Variants in IBTK observed in about 807,000 individuals in gnomAD.
The protein encoded by IBTK is BTK-binding protein.
Under a neutral mutation model 154.9 loss-of-function variants are expected in IBTK, and 83 were observed. That is an observed-to-expected ratio of 0.54 (90% CI 0.45 to 0.64). The LOEUF is 0.64. IBTK is among the 30% of genes least tolerant of loss of function. The pLI is 0.00. For synonymous variants in IBTK, 515 were observed against 536.1 expected (o/e 0.96, Z 0.54); for missense variants, 1,332 against 1,584.6 (o/e 0.84, Z 2.71).
At chr6:82,247,203 A>C (rs1277333800) in intron 1 of IBTK, among the ~76,000 whole-genome samples, 12 of 152,246 alleles carry the variant, frequency 7.9e-5, no homozygotes. Context: ...AAGGAACATG[A>C]GCGCCCACAG....
intron 26 of IBTK, among the ~76,000 whole-genome samples, chr6:82,175,815 A>C (rs893492605): frequency 6.6e-6 from 1 of 152,058 alleles, no homozygotes. Context: ...GGATCACCTG[A>C]GGTCAGGAGT....
intron 1 of IBTK, among the ~76,000 whole-genome samples, chr6:82,242,910 C>A (rs983584206): frequency 6.7e-6 from 1 of 150,264 alleles, no homozygotes; most frequent in Non-Finnish European, 1.5e-5. Context: ...GCACTCCAGT[C>A]TGGTGACAAA....
chr6:82,173,418 G>T lies in IBTK; in HGVS notation c.3746C>A (p.Pro1249Gln). ...TGAAATATGGTTGCCTTCTGGTCCT[G>T]GGGTACCATGGGTAGAGCATCTGCA... ...KIVRCSTHGT[P>Q]GPEGNHISDL... Residue 1249 changes from proline to glutamine, a missense_variant, in exon 27 of 29, where the codon CCA becomes CAA. Pro to Gln is a moderately conservative substitution (Grantham distance 76). Coordinates refer to ENST00000306270, the MANE Select transcript of IBTK (RefSeq NM_015525.4). 1 of 1,613,362 alleles carries T rather than the reference G, an allele frequency of 6.2e-7. No homozygotes were observed. Among genetic ancestry groups the T allele is most frequent in the Non-Finnish European group, 8.5e-7 (1 of 1,179,486 alleles).
chr6:82,200,059 T>C, intron 21 of IBTK, 82 bp downstream of exon 21: 1 of 886,408 alleles, frequency 1.1e-6, no homozygotes, highest in Admixed American at 2.2e-5. Flanking sequence ...GGACTGTTTA[T>C]TTCAGTAGCC....
chr6:82,206,510 C>T (rs1042633319), intron 16 of IBTK, among the ~76,000 whole-genome samples: 1 of 152,154 alleles, frequency 6.6e-6, no homozygotes, highest in Non-Finnish European at 1.5e-5. Context: ...ATGAATAATA[C>T]AATTGATGAA....
chr6:82,242,107 T>C (rs1770973800), intron 1 of IBTK, among the ~76,000 whole-genome samples: 1 of 152,196 alleles, frequency 6.6e-6, no homozygotes, highest in African/African-American at 2.4e-5. Context: ...CAGTGGCTCA[T>C]GCCTGTAATC....
intron 4 of IBTK, among the ~76,000 whole-genome samples, chr6:82,230,591 G>A (rs1373586589): frequency 6.6e-6 from 1 of 152,024 alleles, no homozygotes; most frequent in Non-Finnish European, 1.5e-5. Context: ...CATGCTCTGA[G>A]GTATCATCTT....
Position 82,173,419 on chromosome 6 carries a change from G to A in IBTK, c.3745C>T (p.Pro1249Ser), listed in dbSNP as rs752488343. ...GAAATATGGTTGCCTTCTGGTCCTG[G>A]GGTACCATGGGTAGAGCATCTGCAA... ...KIVRCSTHGT[P>S]GPEGNHISDL... Residue 1249 changes from proline (P) to serine (S), a missense_variant, in exon 27 of 29, where the codon CCA (proline) becomes TCA (serine). Around this residue, in one of 3 missense-constraint regions of IBTK, gnomAD observed 1,134 missense variants for 1,274.7 expected, o/e 0.89. Transcript: ENST00000306270. The A allele has an allele frequency of 3.7e-6, 6 of 1,613,216 alleles. No homozygotes were observed. The African/African-American group carries it at 8.0e-5, about 22-fold the overall frequency.
intron 16 of IBTK, among the ~76,000 whole-genome samples, chr6:82,210,149 G>T (rs1769574918): frequency 6.6e-6 from 1 of 151,960 alleles, no homozygotes; most frequent in South Asian, 2.1e-4. Flanking sequence ...CATAAATTTT[G>T]GTACAATTTT....
chr6:82,175,893 G>A (rs1057312357), intron 26 of IBTK, among the ~76,000 whole-genome samples: 4 of 152,118 alleles, frequency 2.6e-5, no homozygotes, highest in Admixed American at 2.0e-4. Context: ...GCCAGGCTTG[G>A]TGGCGCATAC....
chr6:82,240,936 G>T (rs1306379392), intron 1 of IBTK, 93 bp from the exon 2 acceptor site: 11 of 398,404 alleles, frequency 2.8e-5, no homozygotes, highest in Non-Finnish European at 4.9e-5. Context: ...ATATTTAGAT[G>T]CCCTTAACCC....
chr6:82,234,339 ATTT>A (rs370999079), intron 2 of IBTK, 84 bp from the exon 3 acceptor site: 18 of 350,532 alleles, frequency 5.1e-5, no homozygotes, highest in Middle Eastern at 9.9e-4. Context: ...TTTTATTATT[ATTT>A]TTTTTTTTTT....
intron 1 of IBTK, among the ~76,000 whole-genome samples, chr6:82,244,966 C>T (rs1317056787): frequency 6.6e-6 from 1 of 151,980 alleles, no homozygotes; most frequent in African/African-American, 2.4e-5. Context: ...ATAATTAGGA[C>T]CTAAATATTT....
Position 82,247,557 on chromosome 6 carries a change from C to A in IBTK, c.-358+5G>T. 2.5e-6 allele frequency: 1 copy of A among 399,062 alleles called. No individual in the cohort carries two copies. The highest frequency in any genetic ancestry group is 2.1e-5 in the African/African-American group (1 of 48,776). 24.7% of individuals were successfully genotyped at this position (399,062 alleles called of 1,614,324 possible). A position where few individuals can be genotyped will look rare whatever the true frequency, so the allele number is the denominator to read the frequency against. On this transcript the variant is annotated splice_donor_5th_base_variant and intron_variant, in intron 1 of 28. Coordinates refer to ENST00000306270, the MANE Select transcript of IBTK (RefSeq NM_015525.4). ...ACGGTCGGGCAGCGCCAAGCCCTCC[C>A]TCACCAGTCGCTAGATGAAACTGCG...
chr6:82,198,483 A>G (rs1043403178), intron 21 of IBTK, among the ~76,000 whole-genome samples: 4 of 152,154 alleles, frequency 2.6e-5, no homozygotes, highest in Non-Finnish European at 5.9e-5. Context: ...TATGTTATCT[A>G]AAACTATTCT....
intron 2 of IBTK, 29 bp from the exon 3 acceptor site, chr6:82,234,284 AAT>A (rs767156988): frequency 1.0e-4 from 88 of 851,610 alleles, no homozygotes; most frequent in South Asian, 2.1e-4. Context: ...CAAATACATA[AAT>A]ATATATATAT....
intron 27 of IBTK, chr6:82,172,757 G>A (rs771418951): frequency 1.8e-5 from 7 of 394,324 alleles, no homozygotes; most frequent in Non-Finnish European, 3.1e-5. Context: ...TACGATGAGC[G>A]AACCTGGAAG....
chr6:82,221,409 TA>T (rs1770097693), intron 8 of IBTK, among the ~76,000 whole-genome samples: 1 of 152,186 alleles, frequency 6.6e-6, no homozygotes, highest in Non-Finnish European at 1.5e-5. Context: ...AGACAAATTT[TA>T]AACCTCAAAA....
chr6:82,235,787 T>C (rs1296204623), intron 2 of IBTK, among the ~76,000 whole-genome samples: 1 of 152,244 alleles, frequency 6.6e-6, no homozygotes, highest in Non-Finnish European at 1.5e-5. Flanking sequence ...GTTACCATAG[T>C]TGGTTCCAGT....
Sources: gnomAD v4.1 joint callset for allele counts (sites outside exome capture counted in the v4.1 genomes callset) on GRCh38, gnomAD v4.1.1 for gene constraint, gnomAD v4.1.1 regional missense constraint, MANE v1.5 for transcripts, NCBI Gene and HGNC (gene_info 2026-07-23, HGNC 2026-07-21) for gene names.